Variants in PPP4R3B observed in about 807,000 individuals in gnomAD.
PPP4R3B encodes serine/threonine-protein phosphatase 4 regulatory subunit 3B.
In PPP4R3B, 52 loss-of-function variants were observed where a neutral mutation model predicts 95.4. That is an observed-to-expected ratio of 0.54 (90% CI 0.44 to 0.69). PPP4R3B has a LOEUF of 0.69. Ranked by LOEUF, PPP4R3B falls within the 30% of genes least tolerant of loss-of-function variation. The probability of loss-of-function intolerance (pLI) is 0.00; values close to 1 mark genes in which losing one functional copy is unlikely to be tolerated. For missense variants in PPP4R3B, 1,003 were observed against 1,005.9 expected, an observed-to-expected ratio of 1.00 and a Z score of 0.04; for synonymous variants, 407 against 343.9, an observed-to-expected ratio of 1.18 and a Z score of -2.03.
chr2:55,586,964 G>C (rs1690224725), intron 5 of PPP4R3B, among the ~76,000 whole-genome samples: 1 of 152,166 alleles, frequency 6.6e-6, no homozygotes, highest in Non-Finnish European at 1.5e-5. Context: ...CCAATACAAG[G>C]TAAATGTAAG....
intron 4 of PPP4R3B, among the ~76,000 whole-genome samples, chr2:55,596,380 G>A (rs973704230): frequency 1.6e-4 from 24 of 152,082 alleles, no homozygotes; most frequent in African/African-American, 3.6e-4. Flanking sequence ...ACGAATCCTC[G>A]GGCAACAACT....
chr2:55,573,934 T>G (rs1688324466), intron 11 of PPP4R3B, among the ~76,000 whole-genome samples, 157 bp from the exon 12 acceptor site: 1 of 139,052 alleles, frequency 7.2e-6, no homozygotes. Flanking sequence ...TGTCACCCAG[T>G]TTGGAGTGTG....
rs371984191 is a variant in PPP4R3B, at chr2:55,582,859, C to A, written c.1234-1161G>T. 2.0e-4 allele frequency among the ~76,000 whole-genome samples: 30 copies of A among 152,236 alleles called. No homozygotes were observed. The East Asian group carries it at 2.9e-3, about 15-fold the overall frequency. On this transcript the variant is annotated intron_variant, in intron 7 of 16. Coordinates refer to ENST00000616407, the MANE Select transcript of PPP4R3B (RefSeq NM_001122964.3). Reference sequence around the variant, plus strand: ...AAGTAATTCAGTAATAACTATATTACTCATCCAGTCAGGTTCTGCAAGTTT... The same window carrying A: ...AAGTAATTCAGTAATAACTATATTAATCATCCAGTCAGGTTCTGCAAGTTT...
chr2:55,558,917 C>G lies in PPP4R3B; in HGVS notation c.2312G>C (p.Gly771Ala). Residue 771 changes from glycine to alanine, a missense_variant, in exon 16 of 17, where the codon GGC becomes GCC. Physicochemically the swap from Gly to Ala is moderately conservative, Grantham distance 60. Transcript: ENST00000616407. ...AGAGTGGGAGAAAGTAAATTTGAAG[C>G]CACCAGGAGATGTCCTTTTGGGAAG... is the stretch of plus-strand genomic sequence containing the variant. ...ENLPKRTSPG[G>A]FKFTFSHSAS... 1 of 1,613,612 alleles carries G rather than the reference C, an allele frequency of 6.2e-7. No homozygotes were observed. Among genetic ancestry groups the G allele is most frequent in the African/African-American group, 1.3e-5 (1 of 75,024 alleles).
intron 12 of PPP4R3B, among the ~76,000 whole-genome samples, chr2:55,571,322 G>A (rs1337964704): frequency 2.0e-4 from 31 of 151,680 alleles, no homozygotes; most frequent in African/African-American, 7.5e-4. Flanking sequence ...AAAAAAAAAT[G>A]GAAATGCATT....
chr2:55,591,683 C>G (rs187073531), intron 4 of PPP4R3B: 35 of 982,994 alleles, frequency 3.6e-5, no homozygotes, highest in South Asian at 2.4e-4. Context: ...TACTTGTGAG[C>G]TGATAAGTAG....
intron 2 of PPP4R3B, among the ~76,000 whole-genome samples, chr2:55,606,913 ATT>A (rs1693495228): frequency 6.6e-6 from 1 of 151,828 alleles, no homozygotes; most frequent in African/African-American, 2.4e-5. Flanking sequence ...CTATTACATC[ATT>A]GTTTCTGCTT....
chr2:55,591,409 C>T (rs1362727520), intron 4 of PPP4R3B: 2 of 511,230 alleles, frequency 3.9e-6, no homozygotes, highest in Non-Finnish European at 2.5e-6. Flanking sequence ...TCCCAAAGTG[C>T]TAGGACTACA....
At chr2:55,575,669 C>A (rs761990490) in intron 11 of PPP4R3B, among the ~76,000 whole-genome samples, 3 of 151,500 alleles carry the variant, frequency 2.0e-5, no homozygotes, top group Non-Finnish European at 4.4e-5. Context: ...AACTCCTGGG[C>A]TCAACCAATC....
intron 2 of PPP4R3B, among the ~76,000 whole-genome samples, chr2:55,607,814 AG>A (rs1418390146): frequency 6.6e-6 from 1 of 152,208 alleles, no homozygotes; most frequent in Non-Finnish European, 1.5e-5. Context: ...ATCTATAGAT[AG>A]TACTATCTAC....
chr2:55,584,955 A>G lies in PPP4R3B; in HGVS notation c.1233+96T>C, dbSNP rs139269791. On this transcript the variant is annotated intron_variant, in intron 7 of 16. Coordinates refer to ENST00000616407, the MANE Select transcript of PPP4R3B (RefSeq NM_001122964.3). ...AGAAATCTATTATTTTGCTCCCAAG[A>G]AAGATTAAGATTATGTTATGTTTTT... 1,617 of 959,882 alleles carry G rather than the reference A, an allele frequency of 1.7e-3. 53 individuals carry two copies. In the East Asian group the frequency reaches 0.031, roughly 19 times the overall value. 59.5% of individuals were successfully genotyped at this position (959,882 alleles called of 1,614,324 possible).
intron 2 of PPP4R3B, among the ~76,000 whole-genome samples, chr2:55,609,039 C>A (rs899427425): frequency 6.6e-6 from 1 of 152,106 alleles, no homozygotes; most frequent in Non-Finnish European, 1.5e-5. Flanking sequence ...AAGCAGCACT[C>A]GATGAGGTAT....
chr2:55,596,377 C>A (rs1197682179), intron 4 of PPP4R3B, among the ~76,000 whole-genome samples: 1 of 152,058 alleles, frequency 6.6e-6, no homozygotes, highest in Non-Finnish European at 1.5e-5. Context: ...CAAACGAATC[C>A]TCGGGCAACA....
chr2:55,590,749 C>G (rs1277433248), intron 4 of PPP4R3B, among the ~76,000 whole-genome samples: 1 of 152,112 alleles, frequency 6.6e-6, no homozygotes, highest in Non-Finnish European at 1.5e-5. Context: ...TAAAATAAAA[C>G]CCTAACATTT....
At chr2:55,601,410 T>G (rs1692592719) in intron 3 of PPP4R3B, among the ~76,000 whole-genome samples, 1 of 151,188 alleles carries the variant, frequency 6.6e-6, no homozygotes, top group South Asian at 2.1e-4. Context: ...AGACAGAGTC[T>G]CGCTCTGTAG....
At chr2:55,578,465 T>C in intron 9 of PPP4R3B, 123 bp from the exon 10 acceptor site, 1 of 997,170 alleles carries the variant, frequency 1.0e-6, no homozygotes, top group Non-Finnish European at 1.3e-6. Flanking sequence ...ACATAAAAAA[T>C]GCATTATTTT....
At chr2:55,603,241 C>A (rs1159622012) in intron 3 of PPP4R3B, among the ~76,000 whole-genome samples, 1 of 152,168 alleles carries the variant, frequency 6.6e-6, no homozygotes, top group Non-Finnish European at 1.5e-5. Context: ...GCGTGAGTAA[C>A]CGCGTCCGGA....
intron 12 of PPP4R3B, among the ~76,000 whole-genome samples, chr2:55,571,779 C>A (rs1241354619): frequency 3.3e-5 from 5 of 152,164 alleles, no homozygotes; most frequent in African/African-American, 9.7e-5. Flanking sequence ...ACATACACCA[C>A]CATGCCTGGC....
intron 12 of PPP4R3B, among the ~76,000 whole-genome samples, chr2:55,569,720 C>T (rs1190770431): frequency 7.2e-5 from 11 of 152,084 alleles, no homozygotes; most frequent in East Asian, 1.9e-4. Context: ...TAAACATCAG[C>T]GCAGCCTGGC....
Sources: allele counts gnomAD v4.1 joint callset (sites outside exome capture counted in the v4.1 genomes callset), GRCh38; gene constraint gnomAD v4.1.1; transcripts MANE v1.5; gene names NCBI Gene and HGNC (gene_info 2026-07-23, HGNC 2026-07-21).